RBSN: variants seen among roughly 807,000 people sequenced by gnomAD.
RBSN encodes the protein rabenosyn-5.
Under a neutral mutation model 60.5 loss-of-function variants are expected in RBSN, and 34 were observed. That is an observed-to-expected ratio of 0.56 (90% CI 0.43 to 0.75). The LOEUF is 0.75. Ranked by LOEUF, RBSN falls within the 30% of genes least tolerant of loss-of-function variation. The pLI is 0.00. For missense variants in RBSN, 845 were observed against 986.8 expected (o/e 0.86, Z 1.92); for synonymous variants, 322 against 366.9 (o/e 0.88, Z 1.40).
chr3:15,075,382 A>T lies in RBSN; in HGVS notation c.1206+224T>A, dbSNP rs775415812. On this transcript the variant is annotated intron_variant, in intron 13 of 13. Transcript: ENST00000253699. Reference sequence around the variant, plus strand: ...CAATCTCTGTGGTATTCTAGCCATGAGAGAATCAGCAGAAGCTCTGAAAGA... The same window carrying T: ...CAATCTCTGTGGTATTCTAGCCATGTGAGAATCAGCAGAAGCTCTGAAAGA... The T allele has an allele frequency of 1.2e-5, 8 of 670,034 alleles. No individual in the cohort carries two copies. In the South Asian group the frequency reaches 1.2e-4, roughly 10 times the overall value. 41.5% of individuals were successfully genotyped at this position (670,034 alleles called of 1,614,324 possible).
intron 2 of RBSN, among the ~76,000 whole-genome samples, chr3:15,097,402 C>A (rs2043689842): frequency 6.6e-6 from 1 of 152,136 alleles, no homozygotes; most frequent in African/African-American, 2.4e-5. Context: ...GTAATCCCAG[C>A]TAGTGGGGGT....
intron 4 of RBSN, chr3:15,095,772 C>T (rs2043639334): frequency 4.5e-6 from 3 of 663,684 alleles, no homozygotes; most frequent in East Asian, 5.6e-5. Flanking sequence ...ATGTGGCTTA[C>T]AGCCACACAG....
chr3:15,096,953 C>T (rs1173588523), intron 2 of RBSN, among the ~76,000 whole-genome samples: 2 of 152,138 alleles, frequency 1.3e-5, no homozygotes, highest in African/African-American at 2.4e-5. Context: ...TCGACCTTCT[C>T]GGTTCAAGTG....
rs1242168676 is a variant in RBSN at position 15,073,134 on chromosome 3, T to C, written c.*648A>G. 2 of 152,440 alleles carry C rather than the reference T, an allele frequency of 1.3e-5. No homozygotes were observed. The highest frequency in any genetic ancestry group is 4.8e-5 in the African/African-American group (2 of 41,546). The allele number at this position is 152,440 out of a possible 1,614,324, so 9.4% of individuals were successfully genotyped here. A position where few individuals can be genotyped will look rare whatever the true frequency, so the allele number is the denominator to read the frequency against. On this transcript the variant is annotated 3_prime_UTR_variant, in exon 14 of 14. Transcript: ENST00000253699. Reference sequence around the variant, plus strand: ...TGAGAAAATAGACCCTGGTGAAATATTCCCATCACCCCACCTTAAAAAGAG... The same window carrying C: ...TGAGAAAATAGACCCTGGTGAAATACTCCCATCACCCCACCTTAAAAAGAG...
In RBSN at chr3:15,073,309, A is replaced by G. The variant is rs2125148681; in HGVS notation, c.*473T>C. 1 of 159,514 alleles carries G rather than the reference A, an allele frequency of 6.3e-6. No individual in the cohort carries two copies. Among genetic ancestry groups the G allele is most frequent in the South Asian group, 1.8e-4 (1 of 5,466 alleles). The allele number at this position is 159,514 out of a possible 1,614,324, so 9.9% of individuals were successfully genotyped here. A position where few individuals can be genotyped will look rare whatever the true frequency, so the allele number is the denominator to read the frequency against. On this transcript the variant is annotated 3_prime_UTR_variant, in exon 14 of 14. Transcript: ENST00000253699. ...AGGGATGGACTTCTGTCAGAGCAGA[A>G]TAGAGCTCAGTGGAATCTATCTTCT...
At position 15,075,742 on chromosome 3, in the gene RBSN, A is replaced by C. The variant is rs192593583; in HGVS notation, c.1102-32T>G. 1.0e-5 allele frequency: 16 copies of C among 1,576,758 alleles called. No individual in the cohort carries two copies. The African/African-American group carries it at 2.0e-4, about 20-fold the overall frequency. On this transcript the variant is annotated intron_variant, in intron 12 of 13. Coordinates refer to ENST00000253699, the MANE Select transcript of RBSN (RefSeq NM_022340.4). ...GGAGTGACAGACAATTTTACACTTA[A>C]ACCCTTTTAGAGAAAAAATGAACCT...
intron 5 of RBSN, among the ~76,000 whole-genome samples, chr3:15,089,799 A>G (rs2043459413): frequency 6.6e-6 from 1 of 151,832 alleles, no homozygotes; most frequent in Non-Finnish European, 1.5e-5. Flanking sequence ...TTTAGTAGAG[A>G]CGGGGTTTCA....
At position 15,071,124 on chromosome 3, in the gene RBSN, AG is replaced by A. The variant is rs2042918660; in HGVS notation, c.*2657del. 6.6e-6 allele frequency: 1 copy of A among 152,096 alleles called. No individual in the cohort carries two copies. The highest frequency in any genetic ancestry group is 2.1e-4 in the South Asian group (1 of 4,822). 9.4% of individuals were successfully genotyped at this position (152,096 alleles called of 1,614,324 possible). A position where few individuals can be genotyped will look rare whatever the true frequency, so the allele number is the denominator to read the frequency against. On this transcript the variant is annotated 3_prime_UTR_variant, in exon 14 of 14. Coordinates refer to ENST00000253699, the MANE Select transcript of RBSN (RefSeq NM_022340.4). ...CAGGAGTGAGCCACTGCACCCGGCCAGGCCTTTAAAAATAGTTTTTAAAAAT... is the reference window on the plus strand; with the variant it reads ...CAGGAGTGAGCCACTGCACCCGGCCAGCCTTTAAAAATAGTTTTTAAAAAT...
At position 15,082,621 on chromosome 3, in the gene RBSN, C is replaced by T. The variant is rs754623798; in HGVS notation, c.599-13G>A. 35 of 1,612,402 alleles carry T rather than the reference C, an allele frequency of 2.2e-5. No individual in the cohort carries two copies. The highest frequency in any genetic ancestry group is 2.6e-5 in the Non-Finnish European group (31 of 1,178,982). On this transcript the variant is annotated splice_polypyrimidine_tract_variant and intron_variant, in intron 8 of 13. Transcript: ENST00000253699. This position sits in a 1 kb window ranked among gnomAD's most constrained non-coding sequence, Gnocchi z 4.2. Reference sequence around the variant, plus strand: ...CTGGTGAGCTTGTCTGTAACCACAACACCAACAGGCAGCAATGACCCCCAC... The same window carrying T: ...CTGGTGAGCTTGTCTGTAACCACAATACCAACAGGCAGCAATGACCCCCAC...
Position 15,073,965 on chromosome 3 carries a change from A to G in RBSN, c.2172T>C (p.Ser724=). 6.2e-7 allele frequency: 1 copy of G among 1,613,818 alleles called. No individual in the cohort carries two copies. Among genetic ancestry groups the G allele is most frequent in the Non-Finnish European group, 8.5e-7 (1 of 1,179,950 alleles). ...PTCINPFEMD[S]DSGPEAEEPI... ...GCTCCTCAGCCTCTGGCCCACTGTC[A>G]CTGTCCATCTCAAAGGGGTTGATAC... The change falls in exon 14 of 14, where the codon AGT becomes AGC. Residue 724 remains serine, a synonymous_variant. Transcript: ENST00000253699.
Position 15,096,290 on chromosome 3 carries a change from T to C in RBSN, c.-168-2A>G. On this transcript the variant is annotated splice_acceptor_variant, in intron 3 of 13. Coordinates refer to ENST00000253699, the MANE Select transcript of RBSN (RefSeq NM_022340.4). LOFTEE classifies it low-confidence loss of function (5UTR_SPLICE). ...TTCCTCTCTGGAGTAGGAGGAGCCC[T>C]AAGAAAGAAAAGAAGAAGGGAAAAA... 1.6e-6 allele frequency: 1 copy of C among 615,278 alleles called. No individual in the cohort carries two copies. Among genetic ancestry groups the C allele is most frequent in the Non-Finnish European group, 2.5e-6 (1 of 404,900 alleles). 38.1% of individuals were successfully genotyped at this position (615,278 alleles called of 1,614,324 possible).
Position 15,080,878 on chromosome 3 carries a change from T to C in RBSN, c.841-76A>G. 3.5e-6 allele frequency: 4 copies of C among 1,138,226 alleles called. No homozygotes were observed. In the South Asian group the frequency reaches 5.2e-5, roughly 15 times the overall value. The allele number at this position is 1,138,226 out of a possible 1,614,324, so 70.5% of individuals were successfully genotyped here. A position where few individuals can be genotyped will look rare whatever the true frequency, so the allele number is the denominator to read the frequency against. ...CTACCCAGAAGCTAGGCTCCATCAATGGAGCTATATTTAAAATGTTCACTT... is the reference window on the plus strand; with the variant it reads ...CTACCCAGAAGCTAGGCTCCATCAACGGAGCTATATTTAAAATGTTCACTT... On this transcript the variant is annotated intron_variant, in intron 9 of 13. Transcript: ENST00000253699.
At chr3:15,095,836 G>A (rs745412249) in intron 4 of RBSN, 137 bp downstream of exon 4, 5 of 1,126,544 alleles carry the variant, frequency 4.4e-6, no homozygotes, top group Non-Finnish European at 6.4e-6. Context: ...AAAACGCCTG[G>A]CACATGACAA....
chr3:15,073,991 AGGTG>A lies in RBSN; in HGVS notation c.2142_2145del (p.Thr715ValfsTer19). The A allele has an allele frequency of 6.2e-7, 1 of 1,614,064 alleles. No homozygotes were observed. On this transcript the variant is annotated frameshift_variant, in exon 14 of 14. Coordinates refer to ENST00000253699, the MANE Select transcript of RBSN (RefSeq NM_022340.4). LOFTEE classifies it high-confidence loss of function. ...CTGTCCATCTCAAAGGGGTTGATAC[AGGTG>A]GGTTCCTCAAAGGGGTTACCAGGAA...
chr3:15,090,268 G>C, intron 5 of RBSN, 131 bp downstream of exon 5: 2 of 974,596 alleles, frequency 2.1e-6, no homozygotes, highest in Non-Finnish European at 3.0e-6. Flanking sequence ...CCCCAGCAAG[G>C]GCATAAGGTC....
chr3:15,079,982 C>T (rs1162865525), intron 10 of RBSN, among the ~76,000 whole-genome samples: 11 of 152,202 alleles, frequency 7.2e-5, no homozygotes, highest in African/African-American at 2.4e-4. Context: ...CGGTGGCTCA[C>T]GCCTGTAATC....
At chr3:15,078,840 AATATAT>A (rs1290933408) in intron 10 of RBSN, among the ~76,000 whole-genome samples, 11 of 110,822 alleles carry the variant, frequency 9.9e-5, no homozygotes, top group African/African-American at 3.8e-4. Flanking sequence ...TTTTGTTTTA[AATATAT>A]ATATACACAT....
Position 15,090,494 on chromosome 3 carries a change from C to T in RBSN, c.194G>A (p.Arg65Gln), listed in dbSNP as rs780653127. 1.9e-6 allele frequency: 3 copies of T among 1,614,208 alleles called. No homozygotes were observed. The highest frequency in any genetic ancestry group is 2.5e-6 in the Non-Finnish European group (3 of 1,180,040). ...AKKAKDRLLK[R>Q]EGDDRAESGT... ...TGACTCTGCTCGATCATCCCCTTCTCGTTTCAACAACCTGTCCTTTGCTTT... is the reference window on the plus strand; with the variant it reads ...TGACTCTGCTCGATCATCCCCTTCTTGTTTCAACAACCTGTCCTTTGCTTT... The change falls in exon 5 of 14, where the codon CGA (arginine) becomes CAA (glutamine). Residue 65 changes from arginine to glutamine, a missense_variant. Arg to Gln is a conservative substitution (Grantham distance 43). Coordinates refer to ENST00000253699, the MANE Select transcript of RBSN (RefSeq NM_022340.4).
intron 4 of RBSN, among the ~76,000 whole-genome samples, chr3:15,092,926 A>C (rs1004822686): frequency 6.6e-6 from 1 of 152,224 alleles, no homozygotes; most frequent in Non-Finnish European, 1.5e-5. Context: ...CTTCCAGAGA[A>C]GGCCAATTAA....
Sources: gnomAD v4.1 joint callset for allele counts (sites outside exome capture counted in the v4.1 genomes callset) on GRCh38, gnomAD v4.1.1 for gene constraint, Gnocchi (gnomAD v3.1) non-coding constraint, MANE v1.5 for transcripts, NCBI Gene and HGNC (gene_info 2026-07-23, HGNC 2026-07-21) for gene names.